LAMA1: variants seen among roughly 807,000 people sequenced by gnomAD.
The protein encoded by LAMA1 is laminin subunit alpha 1, also known as laminin subunit alpha-1.
LAMA1 carries 219 observed loss-of-function variants against 348.7 expected under a neutral mutation model. That is an observed-to-expected ratio of 0.63 (90% CI 0.56 to 0.70). The LOEUF (loss-of-function observed/expected upper bound fraction) is 0.70. Ranked by LOEUF, LAMA1 falls within the 30% of genes least tolerant of loss-of-function variation. LAMA1 has a pLI of 0.00. For missense variants in LAMA1, 3,744 were observed against 3,888.0 expected, an observed-to-expected ratio of 0.96 and a Z score of 0.99; for synonymous variants, 1,487 against 1,491.0, an observed-to-expected ratio of 1.00 and a Z score of 0.06.
At chr18:7,029,589 G>A (rs1025840526) in intron 16 of LAMA1, among the ~76,000 whole-genome samples, 1 of 152,200 alleles carries the variant, frequency 6.6e-6, no homozygotes, top group South Asian at 2.1e-4. Flanking sequence ...TTTTTCAGGC[G>A]TGTGCCACCA....
At chr18:7,057,711 T>C (rs1045289114) in intron 3 of LAMA1, among the ~76,000 whole-genome samples, 1 of 151,798 alleles carries the variant, frequency 6.6e-6, no homozygotes, top group African/African-American at 2.4e-5. Context: ...ACTCTTGGGC[T>C]CAAGTGATCC....
chr18:6,956,361 C>T, intron 56 of LAMA1: 1 of 587,748 alleles, frequency 1.7e-6, no homozygotes, highest in Non-Finnish European at 3.2e-6. Flanking sequence ...ATAATGAGTC[C>T]TTATAGAAGC....
intron 29 of LAMA1, 67 bp downstream of exon 29, chr18:7,007,072 G>A (rs1368214187): frequency 6.9e-6 from 11 of 1,594,908 alleles, no homozygotes; most frequent in African/African-American, 4.0e-5. Context: ...GACTTAGACC[G>A]GAAATCTGAC....
chr18:7,116,599 A>AT (rs928078352), intron 1 of LAMA1, among the ~76,000 whole-genome samples: 8 of 151,780 alleles, frequency 5.3e-5, no homozygotes, highest in South Asian at 2.1e-4. Flanking sequence ...TTTGACTCGA[A>AT]TTTTTTTTTA....
chr18:7,032,803 G>T (rs1464767517), intron 15 of LAMA1, among the ~76,000 whole-genome samples, 181 bp downstream of exon 15: 1 of 152,186 alleles, frequency 6.6e-6, no homozygotes, highest in Non-Finnish European at 1.5e-5. Context: ...CATTCCTGGT[G>T]GAGGAATCTG....
At chr18:6,996,315 C>T (rs913240221) in intron 33 of LAMA1, among the ~76,000 whole-genome samples, 2 of 152,100 alleles carry the variant, frequency 1.3e-5, no homozygotes, top group Non-Finnish European at 1.5e-5. Context: ...CATAAACACA[C>T]GCACACACCT....
intron 53 of LAMA1, chr18:6,960,654 T>G (rs2057602570): frequency 6.7e-6 from 1 of 148,624 alleles, no homozygotes; most frequent in African/African-American, 2.6e-5. Flanking sequence ...GATTTTAGGT[T>G]ATATGAATTT....
chr18:6,988,070 C>T (rs1377622920), intron 36 of LAMA1, among the ~76,000 whole-genome samples: 1 of 151,956 alleles, frequency 6.6e-6, no homozygotes, highest in African/African-American at 2.4e-5. Flanking sequence ...GCTGAGATTG[C>T]GCCACTGCAC....
chr18:7,051,075 A>G, intron 3 of LAMA1, 139 bp from the exon 4 acceptor site: 4 of 1,123,464 alleles, frequency 3.6e-6, no homozygotes, highest in Non-Finnish European at 5.2e-6. Flanking sequence ...GGTGGCTGCC[A>G]TGAGGTGCGA....
chr18:6,967,844 A>G (rs2057640580), intron 48 of LAMA1, among the ~76,000 whole-genome samples: 1 of 152,108 alleles, frequency 6.6e-6, no homozygotes, highest in South Asian at 2.1e-4. Flanking sequence ...CCCTTCCCAG[A>G]GCCTGTGAGC....
chr18:7,011,370 G>C lies in LAMA1; in HGVS notation c.3617C>G (p.Ala1206Gly), dbSNP rs372946104. ...YQAPDFLLDA[A>G]TVRQHIRAEP... ...TGCACGGATGTGCTGCCGGACGGTGGCGGCATCCAGCAGGAAGTCGGGGGC... is the reference window on the plus strand; with the variant it reads ...TGCACGGATGTGCTGCCGGACGGTGCCGGCATCCAGCAGGAAGTCGGGGGC... The change falls in exon 25 of 63, where the codon GCC becomes GGC. Residue 1206 changes from alanine (A) to glycine (G), a missense_variant. By Grantham distance (60) the Ala-to-Gly change is moderately conservative (BLOSUM62 0). Coordinates refer to ENST00000389658, the MANE Select transcript of LAMA1 (RefSeq NM_005559.4). 5.0e-6 allele frequency: 8 copies of C among 1,611,642 alleles called. No individual in the cohort carries two copies. The Admixed American group carries it at 1.3e-4, about 27-fold the overall frequency.
Position 6,959,507 on chromosome 18 carries a change from TAGAG to T in LAMA1, c.7627-19_7627-16del. The T allele has an allele frequency of 6.2e-7, 1 of 1,613,982 alleles. No individual in the cohort carries two copies. The highest frequency in any genetic ancestry group is 8.5e-7 in the Non-Finnish European group (1 of 1,179,938). ...GAAAAGAAGGGCTGGGGAGGTTGCATAGAGAATTTCCCAGACAAAACACATTACT... is the reference window on the plus strand; with the variant it reads ...GAAAAGAAGGGCTGGGGAGGTTGCATAATTTCCCAGACAAAACACATTACT... On this transcript the variant is annotated splice_polypyrimidine_tract_variant and intron_variant, in intron 53 of 62. Transcript: ENST00000389658.
At chr18:7,006,403 ACTT>A (rs60993690) in intron 29 of LAMA1, among the ~76,000 whole-genome samples, 5,271 of 152,266 alleles carry the variant, frequency 0.035, 119 homozygotes, top group Non-Finnish European at 0.045. Flanking sequence ...AGAGGGCAAT[ACTT>A]TACACAGAGA....
Position 6,961,811 on chromosome 18 carries a change from C to T in LAMA1, c.7453-52G>A, listed in dbSNP as rs574476949. ...TGGTGAGTTCCTAGCTGCGGCCAAA[C>T]CTTCCGTGGGGAGGACACTGCTGAT... On this transcript the variant is annotated intron_variant, in intron 52 of 62. Coordinates refer to ENST00000389658, the MANE Select transcript of LAMA1 (RefSeq NM_005559.4). The T allele has an allele frequency of 1.9e-5, 30 of 1,606,660 alleles. No homozygotes were observed. The Admixed American group carries it at 3.0e-4, about 16-fold the overall frequency.
intron 27 of LAMA1, 123 bp from the exon 28 acceptor site, chr18:7,008,731 T>A: frequency 8.8e-7 from 1 of 1,136,700 alleles, no homozygotes; most frequent in Non-Finnish European, 1.3e-6. Flanking sequence ...TTGGAGTAGT[T>A]CCTGCTTGTG....
intron 21 of LAMA1, 33 bp from the exon 22 acceptor site, chr18:7,015,891 T>C (rs772179115): frequency 6.2e-7 from 1 of 1,613,768 alleles, no homozygotes; most frequent in Non-Finnish European, 8.5e-7. Flanking sequence ...GTTACAGATC[T>C]GGGTGATGTC....
At position 7,033,039 on chromosome 18, in the gene LAMA1, G is replaced by T. The variant is rs568980221; in HGVS notation, c.2108C>A (p.Ala703Asp). 1 of 1,612,410 alleles carries T rather than the reference G, an allele frequency of 6.2e-7. No individual in the cohort carries two copies. The highest frequency in any genetic ancestry group is 8.5e-7 in the Non-Finnish European group (1 of 1,179,304). ...ACATTCACAGTGCTCCACATCAGCG[G>T]CCACCACCAGGTCGATGGCATTAGA... Reference protein sequence around the residue: ...ASSNAIDLVVAADVEHCECPQ... With the variant: ...ASSNAIDLVVDADVEHCECPQ... Residue 703 changes from alanine to aspartate, a missense_variant, in exon 15 of 63, where the codon GCC becomes GAC. By Grantham distance (126) the Ala-to-Asp change is moderately radical (BLOSUM62 -2). Around this residue, in one of 3 missense-constraint regions of LAMA1, gnomAD observed 1,529 missense variants for 1,689.4 expected, o/e 0.91. Coordinates refer to ENST00000389658, the MANE Select transcript of LAMA1 (RefSeq NM_005559.4).
rs376668276 is a variant in LAMA1 at position 7,033,008 on chromosome 18, T to C, written c.2139A>G (p.Gln713=). The C allele has an allele frequency of 2.8e-5, 45 of 1,611,188 alleles. 1 individual carries two copies. The African/African-American group carries it at 5.1e-4, about 18-fold the overall frequency. Residue 713 remains glutamine (Q), a synonymous_variant, in exon 15 of 63, where the codon CAA becomes CAG. Transcript: ENST00000389658. ...AADVEHCECP[Q]GYTGTSCESC... The stretch of plus-strand genomic sequence containing the variant: ...CCTCACAGGAGGTCCCTGTGTAGCC[T>C]TGCGGACATTCACAGTGCTCCACAT...
Position 6,986,185 on chromosome 18 carries a change from T to G in LAMA1, c.5331A>C (p.Glu1777Asp). The G allele has an allele frequency of 6.2e-7, 1 of 1,614,208 alleles. No individual in the cohort carries two copies. The highest frequency in any genetic ancestry group is 1.1e-5 in the South Asian group (1 of 91,076). ...TGACCATGAGCAGCAGGTGGTTGCT[T>G]TCCTGCATCTTTGCCTCAGCTTCCC... is the stretch of plus-strand genomic sequence containing the variant. ...LVREAEAKMQ[E>D]SNHLLLMVNA... Residue 1777 changes from glutamate to aspartate, a missense_variant, in exon 37 of 63, where the codon GAA becomes GAC. By Grantham distance (45) the Glu-to-Asp change is conservative. Transcript: ENST00000389658.
Sources: allele counts gnomAD v4.1 joint callset (sites outside exome capture counted in the v4.1 genomes callset), GRCh38; gene constraint gnomAD v4.1.1; regional missense constraint gnomAD v4.1.1; transcripts MANE v1.5; gene names NCBI Gene and HGNC (gene_info 2026-07-23, HGNC 2026-07-21).